PALS1: variants seen among roughly 807,000 people sequenced by gnomAD.
The protein encoded by PALS1 is protein PALS1.
Under a neutral mutation model 78.9 loss-of-function variants are expected in PALS1, and 31 were observed. The ratio of observed to expected loss-of-function variants is 0.39; its 90% CI spans 0.30 to 0.53. The LOEUF is 0.53. Ranked by LOEUF, PALS1 falls within the 20% of genes least tolerant of loss-of-function variation. The pLI is 0.67. For synonymous variants in PALS1, 276 were observed against 270.9 expected (o/e 1.02, Z -0.18); for missense variants, 704 against 826.5 (o/e 0.85, Z 1.82).
At chr14:67,257,840 A>T (rs2084170566) in intron 1 of PALS1, among the ~76,000 whole-genome samples, 1 of 152,194 alleles carries the variant, frequency 6.6e-6, no homozygotes. Context: ...TTTTTAAAAA[A>T]TACACACATA....
intron 8 of PALS1, among the ~76,000 whole-genome samples, chr14:67,311,553 G>C (rs1050807908): frequency 2.0e-5 from 3 of 152,100 alleles, no homozygotes; most frequent in Non-Finnish European, 4.4e-5. Context: ...ACTTGCCCAG[G>C]TTAGGTAAAA....
chr14:67,259,269 C>T (rs75909404), intron 1 of PALS1, among the ~76,000 whole-genome samples: 2,440 of 151,982 alleles, frequency 0.016, 69 homozygotes, highest in African/African-American at 0.056. Flanking sequence ...TTAATTTTTA[C>T]TTTAGCCCAA....
intron 14 of PALS1, among the ~76,000 whole-genome samples, chr14:67,324,892 C>G (rs932078748): frequency 1.5e-5 from 2 of 137,766 alleles, no homozygotes; most frequent in African/African-American, 2.8e-5. Context: ...CCCAGCCTTC[C>G]TTTCATTTTT....
intron 14 of PALS1, among the ~76,000 whole-genome samples, chr14:67,331,325 G>A (rs1359826675): frequency 3.3e-5 from 5 of 152,248 alleles, no homozygotes; most frequent in Admixed American, 2.0e-4. Context: ...GATTACAGGC[G>A]GGGGAGCCCC....
intron 2 of PALS1, among the ~76,000 whole-genome samples, chr14:67,272,280 C>T (rs2084420910): frequency 1.3e-5 from 2 of 152,276 alleles, no homozygotes; most frequent in South Asian, 2.1e-4. Flanking sequence ...TTTAGTTCAA[C>T]GAGCCTTATT....
At position 67,318,504 on chromosome 14, in the gene PALS1, T is replaced by A. The variant is rs529013166; in HGVS notation, c.1369+1025T>A. ...TGTACTGTAGAAAACGTGGCAAATC[T>A]GAACCTTATGGATATACACACTGAG... On this transcript the variant is annotated intron_variant, in intron 11 of 14. Transcript: ENST00000261681. Among the ~76,000 whole-genome samples the A allele has an allele frequency of 4.0e-4, 61 of 152,316 alleles. 1 individual carries two copies. The South Asian group carries it at 0.012, about 31-fold the overall frequency.
chr14:67,312,785 C>A lies in PALS1; in HGVS notation c.1225+75C>A, dbSNP rs1595608033. The A allele has an allele frequency of 5.1e-6, 6 of 1,183,376 alleles. No individual in the cohort carries two copies. The South Asian group carries it at 1.3e-4, about 25-fold the overall frequency. 73.3% of individuals were successfully genotyped at this position (1,183,376 alleles called of 1,614,324 possible). ...ATGCAAGCCTTCACAAAGAAAAACT[C>A]ACTCTTTCATGCCTCTATTTAATAA... On this transcript the variant is annotated intron_variant, in intron 9 of 14. Coordinates refer to ENST00000261681, the MANE Select transcript of PALS1 (RefSeq NM_022474.4).
intron 2 of PALS1, among the ~76,000 whole-genome samples, chr14:67,273,992 G>C (rs992994824): frequency 6.6e-6 from 1 of 152,118 alleles, no homozygotes; most frequent in Non-Finnish European, 1.5e-5. Context: ...TTGGAAATTT[G>C]TTTAAGTTCT....
intron 1 of PALS1, among the ~76,000 whole-genome samples, chr14:67,263,560 A>G (rs975101929): frequency 2.6e-5 from 4 of 152,218 alleles, no homozygotes; most frequent in Non-Finnish European, 5.9e-5. Context: ...TTCTCTTAGT[A>G]TAGGATAAGA....
At chr14:67,287,970 T>C (rs1242761805) in intron 3 of PALS1, among the ~76,000 whole-genome samples, 1 of 152,186 alleles carries the variant, frequency 6.6e-6, no homozygotes, top group African/African-American at 2.4e-5. Flanking sequence ...AGAGACCCAG[T>C]AGGGATACAA....
chr14:67,260,875 A>G (rs1326536714), intron 1 of PALS1, among the ~76,000 whole-genome samples: 2 of 152,070 alleles, frequency 1.3e-5, no homozygotes, highest in Admixed American at 6.6e-5. Flanking sequence ...TTCAGAAGAC[A>G]GGGGAGGGAG....
At chr14:67,318,442 A>G (rs1250786293) in intron 11 of PALS1, among the ~76,000 whole-genome samples, 1 of 152,146 alleles carries the variant, frequency 6.6e-6, no homozygotes, top group Non-Finnish European at 1.5e-5. Context: ...ATTTTTTGAA[A>G]CAGACTGAAG....
intron 1 of PALS1, among the ~76,000 whole-genome samples, chr14:67,259,606 T>C (rs1225387988): frequency 1.3e-5 from 2 of 151,728 alleles, no homozygotes; most frequent in Non-Finnish European, 2.9e-5. Context: ...AGCAAGACTG[T>C]CTCTAAATAA....
chr14:67,263,506 C>T (rs1198753652), intron 1 of PALS1, among the ~76,000 whole-genome samples: 12 of 152,130 alleles, frequency 7.9e-5, no homozygotes, highest in Non-Finnish European at 1.6e-4. Flanking sequence ...AGGTACCCTT[C>T]GAAACACTGA....
chr14:67,295,906 CAG>C (rs1298561607), intron 4 of PALS1, among the ~76,000 whole-genome samples: 2 of 152,046 alleles, frequency 1.3e-5, no homozygotes, highest in Non-Finnish European at 2.9e-5. Flanking sequence ...AGCTTAAAAA[CAG>C]ATGTTCATAG....
intron 8 of PALS1, chr14:67,304,085 A>G (rs2084967118): frequency 6.5e-6 from 1 of 153,224 alleles, no homozygotes; most frequent in Non-Finnish European, 1.5e-5. Context: ...CACCTTTTTA[A>G]AATAAAAAGT....
At chr14:67,317,299 C>T in intron 10 of PALS1, 109 bp from the exon 11 acceptor site, 1 of 1,013,188 alleles carries the variant, frequency 9.9e-7, no homozygotes, top group South Asian at 1.8e-5. Context: ...CTCGTTTCTG[C>T]AAAAAAATTT....
intron 3 of PALS1, among the ~76,000 whole-genome samples, chr14:67,290,750 G>T (rs1268563179): frequency 6.6e-6 from 1 of 152,046 alleles, no homozygotes; most frequent in African/African-American, 2.4e-5. Flanking sequence ...GCCCAGGCTG[G>T]TCTCCACCTC....
chr14:67,279,594 A>C, intron 3 of PALS1, 57 bp downstream of exon 3: 6 of 1,441,004 alleles, frequency 4.2e-6, no homozygotes, highest in Non-Finnish European at 5.6e-6. Context: ...TCTGTGCCTT[A>C]TAATGTATAT....
Sources: gnomAD v4.1 joint callset for allele counts (sites outside exome capture counted in the v4.1 genomes callset) on GRCh38, gnomAD v4.1.1 for gene constraint, MANE v1.5 for transcripts, NCBI Gene and HGNC (gene_info 2026-07-23, HGNC 2026-07-21) for gene names.